The following GLI3 variants were observed in gnomAD, a reference collection of about 807,000 sequenced individuals.
The protein encoded by GLI3 is transcription activator GLI3.
GLI3 carries 20 observed loss-of-function variants against 100.8 expected under a neutral mutation model. The observed-to-expected ratio is 0.20, with a 90% CI of 0.14 to 0.29. GLI3 has a LOEUF of 0.29. Among genes scored for constraint, GLI3 ranks in the 10% least tolerant of loss-of-function variants. The pLI is 1.00. For synonymous variants in GLI3, 938 were observed against 860.5 expected, an observed-to-expected ratio of 1.09 and a Z score of -1.58; for missense variants, 2,040 against 2,128.5, an observed-to-expected ratio of 0.96 and a Z score of 0.82.
chr7:42,150,747 T>C (rs1364211932), intron 2 of GLI3, among the ~76,000 whole-genome samples: 1 of 152,220 alleles, frequency 6.6e-6, no homozygotes, highest in African/African-American at 2.4e-5. Context: ...TTTCTTCTCT[T>C]AAAACGGCAT....
rs1789110535 is a variant in GLI3 at position 42,026,297 on chromosome 7, G to A, written c.1144C>T (p.His382Tyr). 1.2e-6 allele frequency: 2 copies of A among 1,614,088 alleles called. No individual in the cohort carries two copies. Among genetic ancestry groups the A allele is most frequent in the Non-Finnish European group, 1.7e-6 (2 of 1,179,942 alleles). ...SAFGHSPPLIHPAPTFPTQRP... is the reference protein window; with the variant it reads ...SAFGHSPPLIYPAPTFPTQRP... ...TGTGTTGGAAAAGTTGGGGCAGGGTGGATGAGTGGAGGGCTGTGTCCAAAG... is the reference window on the plus strand; with the variant it reads ...TGTGTTGGAAAAGTTGGGGCAGGGTAGATGAGTGGAGGGCTGTGTCCAAAG... The change falls in exon 8 of 15, where the codon CAC (histidine) becomes TAC (tyrosine). Residue 382 changes from histidine to tyrosine, a missense_variant. Transcript: ENST00000395925.
chr7:42,049,967 A>T (rs1784320527), intron 4 of GLI3, among the ~76,000 whole-genome samples: 1 of 152,200 alleles, frequency 6.6e-6, no homozygotes, highest in Non-Finnish European at 1.5e-5. Flanking sequence ...TGCAAAGCAA[A>T]TGCTCACGCA....
chr7:42,096,065 T>C (rs1439820993), intron 3 of GLI3, among the ~76,000 whole-genome samples: 1 of 151,956 alleles, frequency 6.6e-6, no homozygotes, highest in East Asian at 1.9e-4. Flanking sequence ...GGAGCCAGGG[T>C]GTGTGCACTG....
intron 13 of GLI3, among the ~76,000 whole-genome samples, chr7:41,969,892 T>A (rs527785242): frequency 6.6e-6 from 1 of 152,340 alleles, no homozygotes; most frequent in Non-Finnish European, 1.5e-5. Flanking sequence ...AATGAGTCTT[T>A]CAGAACATCT....
At chr7:41,992,814 C>T (rs541189903) in intron 10 of GLI3, among the ~76,000 whole-genome samples, 8 of 152,200 alleles carry the variant, frequency 5.3e-5, no homozygotes, top group African/African-American at 1.9e-4. Context: ...TGGTAGCTTG[C>T]CAGCCCCAGT....
chr7:41,966,747 T>TTTC lies in GLI3; in HGVS notation c.2432-109_2432-107dup. The TTTC allele has an allele frequency of 8.6e-7, 1 of 1,157,388 alleles. No individual in the cohort carries two copies. Among genetic ancestry groups the TTTC allele is most frequent in the South Asian group, 1.3e-5 (1 of 79,846 alleles). 71.7% of individuals were successfully genotyped at this position (1,157,388 alleles called of 1,614,324 possible). ...TCTGTAAAGGGCCAGCTAGGAACTATTTCTGGTGTCCCAGGCCACATTGCC... is the reference window on the plus strand; with the variant it reads ...TCTGTAAAGGGCCAGCTAGGAACTATTTCTTCTGGTGTCCCAGGCCACATTGCC... On this transcript the variant is annotated intron_variant, in intron 14 of 14. Transcript: ENST00000395925. This position sits in a 1 kb window ranked among gnomAD's most constrained non-coding sequence, Gnocchi z 5.8.
intron 3 of GLI3, among the ~76,000 whole-genome samples, chr7:42,102,744 A>T (rs1239860154): frequency 6.6e-6 from 1 of 152,196 alleles, no homozygotes; most frequent in East Asian, 1.9e-4. Context: ...TGGTGAGCTG[A>T]ACTGCAGGTG....
chr7:42,128,449 T>C (rs1786189694), intron 3 of GLI3, among the ~76,000 whole-genome samples: 1 of 152,250 alleles, frequency 6.6e-6, no homozygotes, highest in Non-Finnish European at 1.5e-5. Flanking sequence ...ACTTTTTGGC[T>C]TTTGGATCAC....
At chr7:41,996,065 A>G (rs961656996) in intron 10 of GLI3, among the ~76,000 whole-genome samples, 3 of 152,136 alleles carry the variant, frequency 2.0e-5, no homozygotes, top group East Asian at 1.9e-4. Flanking sequence ...CTGTGGTTCA[A>G]CTCTCAGGAG....
chr7:42,084,930 T>TTTTTTTTTTTTC (rs1785071558), intron 3 of GLI3, among the ~76,000 whole-genome samples: 1 of 104,122 alleles, frequency 9.6e-6, no homozygotes, highest in African/African-American at 4.1e-5. Context: ...TTTTTTTTTT[T>TTTTTTTTTTTTC]AGATTGAGTC....
intron 10 of GLI3, among the ~76,000 whole-genome samples, chr7:42,022,876 T>C (rs892968256): frequency 6.6e-6 from 1 of 152,208 alleles, no homozygotes; most frequent in African/African-American, 2.4e-5. Flanking sequence ...TGGTTCTCAA[T>C]CTGACCATGC....
At chr7:42,114,080 T>C (rs1026553126) in intron 3 of GLI3, among the ~76,000 whole-genome samples, 1 of 152,238 alleles carries the variant, frequency 6.6e-6, no homozygotes, top group African/African-American at 2.4e-5. Flanking sequence ...GACTTTCCAG[T>C]GATGGCAATG....
chr7:42,140,415 T>C (rs1026627829), intron 3 of GLI3, among the ~76,000 whole-genome samples: 33 of 152,214 alleles, frequency 2.2e-4, no homozygotes, highest in African/African-American at 6.3e-4. Flanking sequence ...TGCTTTATTT[T>C]GATCTAAGAA....
At chr7:42,201,855 G>A (rs1244683335) in intron 2 of GLI3, among the ~76,000 whole-genome samples, 6 of 152,050 alleles carry the variant, frequency 3.9e-5, no homozygotes, top group East Asian at 1.9e-4. Context: ...AAGCCGAGGC[G>A]GGCAGATCAC....
intron 10 of GLI3, among the ~76,000 whole-genome samples, chr7:42,007,453 G>A (rs1345138886): frequency 6.6e-6 from 1 of 152,130 alleles, no homozygotes; most frequent in Non-Finnish European, 1.5e-5. Flanking sequence ...CAGGTTAAGA[G>A]TTAGGGCACA....
Position 42,076,801 on chromosome 7 carries a change from G to A in GLI3, c.424C>T (p.His142Tyr). 6.2e-7 allele frequency: 1 copy of A among 1,613,500 alleles called. No individual in the cohort carries two copies. The highest frequency in any genetic ancestry group is 1.1e-5 in the South Asian group (1 of 91,066). The change falls in exon 4 of 15, where the codon CAT (histidine) becomes TAT (tyrosine). Residue 142 changes from histidine to tyrosine, a missense_variant. Around this residue, in one of 5 missense-constraint regions of GLI3, gnomAD observed 603 missense variants for 690.9 expected, o/e 0.87. Transcript: ENST00000395925. The part of the protein sequence containing the change: ...HPPVPIDARH[H>Y]EGRYHYDPSP... ...GGATCGTAATGGTAACGGCCCTCAT[G>A]ATGTCTGGCATCAATTGGTACAGGA...
chr7:42,205,063 G>A (rs903328115), intron 2 of GLI3, among the ~76,000 whole-genome samples: 5 of 152,220 alleles, frequency 3.3e-5, no homozygotes, highest in Non-Finnish European at 5.9e-5. Context: ...GTACGAAGTT[G>A]AGGCTTAAGA....
At position 42,223,310 on chromosome 7, in the gene GLI3, A is replaced by C; in HGVS notation, c.-42-15T>G. 6.6e-7 allele frequency: 1 copy of C among 1,518,368 alleles called. No individual in the cohort carries two copies. The highest frequency in any genetic ancestry group is 9.1e-7 in the Non-Finnish European group (1 of 1,098,498). The allele number at this position is 1,518,368 out of a possible 1,614,324, so 94.1% of individuals were successfully genotyped here. ...CCAAAAATGCCCTAAAGAAAACAAC[A>C]GAGCCATCAACTTTCCAAAATGGTG... On this transcript the variant is annotated splice_polypyrimidine_tract_variant and intron_variant, in intron 1 of 14. Coordinates refer to ENST00000395925, the MANE Select transcript of GLI3 (RefSeq NM_000168.6).
chr7:42,133,939 G>A lies in GLI3; in HGVS notation c.367+14287C>T, dbSNP rs140550955. ...TCTACTATAAATACAAAAATTAGCC[G>A]GCGTGGTGTCGCGTGCCCATAATCC... On this transcript the variant is annotated intron_variant, in intron 3 of 14. Transcript: ENST00000395925. 6.1e-3 allele frequency among the ~76,000 whole-genome samples: 922 copies of A among 151,916 alleles called. 9 individuals carry two copies. Among genetic ancestry groups the A allele is most frequent in the African/African-American group, 0.021 (872 of 41,426 alleles).
Sources: allele counts gnomAD v4.1 joint callset (sites outside exome capture counted in the v4.1 genomes callset), GRCh38; gene constraint gnomAD v4.1.1; regional missense constraint gnomAD v4.1.1; non-coding constraint Gnocchi (gnomAD v3.1); transcripts MANE v1.5; gene names NCBI Gene and HGNC (gene_info 2026-07-23, HGNC 2026-07-21).